The following PRELID2 variants were observed in gnomAD, a reference collection of about 807,000 sequenced individuals.
PRELID2 encodes PRELI domain-containing protein 2.
In PRELID2, 25 loss-of-function variants were observed where a neutral mutation model predicts 28.4. The observed-to-expected ratio is 0.88, with a 90% CI of 0.64 to 1.23. The LOEUF (loss-of-function observed/expected upper bound fraction) is 1.23. PRELID2 is among the 50% of genes most tolerant of loss of function. The pLI, the probability that PRELID2 is intolerant of heterozygous loss-of-function variation, is 0.00. For missense variants in PRELID2, 201 were observed against 214.4 expected, an observed-to-expected ratio of 0.94 and a Z score of 0.39; for synonymous variants, 76 against 71.6, an observed-to-expected ratio of 1.06 and a Z score of -0.31.
chr5:145,583,714 C>T (rs1199544020), intron 1 of PRELID2, among the ~76,000 whole-genome samples: 1 of 151,952 alleles, frequency 6.6e-6, no homozygotes, highest in African/African-American at 2.4e-5. Flanking sequence ...AGTAAGATAC[C>T]TATGAATACA....
At chr5:145,433,963 G>A in the PRELID2 span, among the ~76,000 whole-genome samples, 1 of 152,164 alleles carries the variant, frequency 6.6e-6, no homozygotes. Context: ...ACCACCGCAG[G>A]CAGTCTCAGG....
At chr5:145,640,188 C>CA (rs574269852) in intron 1 of PRELID2, among the ~76,000 whole-genome samples, 19 of 152,036 alleles carry the variant, frequency 1.2e-4, no homozygotes, top group South Asian at 2.1e-4. Flanking sequence ...TGAAAAAATA[C>CA]AAAAAAATTG....
At chr5:145,603,372 CTAACGG>C (rs1285887986) in intron 1 of PRELID2, among the ~76,000 whole-genome samples, 152 of 120,636 alleles carry the variant, frequency 1.3e-3, no homozygotes, top group African/African-American at 9.2e-3. Flanking sequence ...AAACCAGGGG[CTAACGG>C]CTAACTTCTC....
intron 1 of PRELID2, among the ~76,000 whole-genome samples, chr5:145,654,787 A>G (rs1474890566): frequency 6.6e-6 from 1 of 152,208 alleles, no homozygotes. Context: ...CCCACAGCCA[A>G]TATCATACTG....
intron 1 of PRELID2, among the ~76,000 whole-genome samples, chr5:145,724,463 T>C (rs997766754): frequency 9.3e-5 from 14 of 151,102 alleles, no homozygotes; most frequent in East Asian, 1.9e-4. Flanking sequence ...ATTAAGGTGA[T>C]TGGCAAAAGT....
chr5:145,627,819 A>G (rs1753873284), intron 1 of PRELID2, among the ~76,000 whole-genome samples: 1 of 152,222 alleles, frequency 6.6e-6, no homozygotes, highest in Admixed American at 6.5e-5. Context: ...ACTTAATCTT[A>G]TAATATTCAC....
At chr5:145,315,934 A>C in the PRELID2 span, among the ~76,000 whole-genome samples, 314 of 152,292 alleles carry the variant, frequency 2.1e-3, 1 homozygote, top group African/African-American at 7.3e-3. Flanking sequence ...AAATATACTC[A>C]AAACTCATAA....
intron 1 of PRELID2, among the ~76,000 whole-genome samples, chr5:145,699,027 A>G (rs1755347011): frequency 6.6e-6 from 1 of 152,144 alleles, no homozygotes; most frequent in South Asian, 2.1e-4. Flanking sequence ...GCACCTGGCC[A>G]GCCTCACCTC....
chr5:145,383,277 A>G, the PRELID2 span, among the ~76,000 whole-genome samples: 1 of 151,772 alleles, frequency 6.6e-6, no homozygotes, highest in African/African-American at 2.4e-5. Flanking sequence ...ACATATATAC[A>G]CACATACGTA....
chr5:145,302,459 CAA>C, the PRELID2 span, among the ~76,000 whole-genome samples: 5 of 151,928 alleles, frequency 3.3e-5, no homozygotes, highest in African/African-American at 1.2e-4. Flanking sequence ...TTCTTGATAT[CAA>C]GAGTTTTATA....
chr5:145,733,294 C>T (rs1756399818), intron 1 of PRELID2, among the ~76,000 whole-genome samples: 1 of 151,974 alleles, frequency 6.6e-6, no homozygotes, highest in African/African-American at 2.4e-5. Flanking sequence ...AAATCCAAGA[C>T]TCCACCTAAC....
the PRELID2 span, among the ~76,000 whole-genome samples, chr5:145,409,751 A>G: frequency 1.3e-5 from 1 of 75,380 alleles, no homozygotes; most frequent in African/African-American, 5.4e-5. Context: ...ATCTCTACTG[A>G]AAAAAAAAAA....
chr5:145,706,968 T>C (rs1342719492), intron 1 of PRELID2, among the ~76,000 whole-genome samples: 1 of 152,224 alleles, frequency 6.6e-6, no homozygotes, highest in Admixed American at 6.5e-5. Flanking sequence ...GGAAATGCAG[T>C]GTCTCAGGCC....
At chr5:145,651,647 G>A (rs1754299838) in intron 1 of PRELID2, among the ~76,000 whole-genome samples, 1 of 152,186 alleles carries the variant, frequency 6.6e-6, no homozygotes, top group Non-Finnish European at 1.5e-5. Context: ...GGCAAACAGG[G>A]TCTGGAGTGG....
intron 1 of PRELID2, among the ~76,000 whole-genome samples, chr5:145,717,354 G>A (rs1461980684): frequency 6.6e-6 from 1 of 151,970 alleles, no homozygotes; most frequent in Non-Finnish European, 1.5e-5. Flanking sequence ...ATGGCTGGTT[G>A]CTCAACTTTG....
At chr5:145,654,575 G>A (rs530809400) in intron 1 of PRELID2, among the ~76,000 whole-genome samples, 1 of 152,208 alleles carries the variant, frequency 6.6e-6, no homozygotes, top group Non-Finnish European at 1.5e-5. Context: ...TCAGCCCTGG[G>A]ATGCAAGACT....
At chr5:145,578,994 C>T (rs1753085198) in intron 1 of PRELID2, among the ~76,000 whole-genome samples, 1 of 152,028 alleles carries the variant, frequency 6.6e-6, no homozygotes, top group Admixed American at 6.6e-5. Context: ...TCAGTCAGAT[C>T]ACTGGGTTCT....
At chr5:145,823,652 G>T (rs1407485746) in intron 1 of PRELID2, among the ~76,000 whole-genome samples, 1 of 152,200 alleles carries the variant, frequency 6.6e-6, no homozygotes, top group Non-Finnish European at 1.5e-5. Context: ...ATACAGAGTG[G>T]ACCTCTTCAC....
chr5:145,546,074 C>A (rs1204865441), intron 1 of PRELID2, among the ~76,000 whole-genome samples: 1 of 152,076 alleles, frequency 6.6e-6, no homozygotes, highest in Non-Finnish European at 1.5e-5. Context: ...ATCTGCAATG[C>A]TTGCTAAATA....
Sources: allele counts gnomAD v4.1 joint callset (sites outside exome capture counted in the v4.1 genomes callset), GRCh38; gene constraint gnomAD v4.1.1; transcripts MANE v1.5; gene names NCBI Gene and HGNC (gene_info 2026-07-23, HGNC 2026-07-21).